The following FBXO17 variants were observed in gnomAD, a reference collection of about 807,000 sequenced individuals.
FBXO17 encodes F-box protein 17, also known as F-box only protein 17.
Under a neutral mutation model 34.1 loss-of-function variants are expected in FBXO17, and 43 were observed. The ratio of observed to expected loss-of-function variants is 1.26; its 90% CI spans 0.99 to 1.62. The LOEUF is 1.62. Among genes scored for constraint, FBXO17 ranks in the 40% most tolerant of loss-of-function variants. The pLI is 0.00. For missense variants in FBXO17, 424 were observed against 386.7 expected (o/e 1.10, Z -0.81); for synonymous variants, 169 against 166.0 (o/e 1.02, Z -0.14).
chr19:38,967,049 A>AT (rs1318045107), intron 1 of FBXO17, among the ~76,000 whole-genome samples: 8 of 152,248 alleles, frequency 5.3e-5, no homozygotes, highest in African/African-American at 1.9e-4. Context: ...AACTGGATAA[A>AT]TTAGACATTA....
intron 2 of FBXO17, among the ~76,000 whole-genome samples, chr19:38,949,411 T>G (rs1240514202): frequency 1.3e-5 from 2 of 151,810 alleles, no homozygotes; most frequent in Non-Finnish European, 2.9e-5. Flanking sequence ...AATTTTTAAA[T>G]TTTTTAGAGA....
At chr19:38,954,839 C>T (rs1378204280) in intron 1 of FBXO17, among the ~76,000 whole-genome samples, 1 of 151,202 alleles carries the variant, frequency 6.6e-6, no homozygotes, top group Non-Finnish European at 1.5e-5. Context: ...CTCAGCCTCC[C>T]AAGGTGTTGG....
At chr19:38,946,167 G>C (rs1974979997) in intron 4 of FBXO17, 2 of 440,468 alleles carry the variant, frequency 4.5e-6, no homozygotes, top group Non-Finnish European at 8.3e-6. Flanking sequence ...CAGAGACCCT[G>C]GGCATCCACA....
At chr19:38,963,409 C>G (rs1361014194) in intron 1 of FBXO17, among the ~76,000 whole-genome samples, 1 of 151,804 alleles carries the variant, frequency 6.6e-6, no homozygotes, top group African/African-American at 2.4e-5. Flanking sequence ...ATCCTCCCAT[C>G]TCAGCCTCCC....
chr19:38,970,126 C>T (rs1975373108), intron 1 of FBXO17, among the ~76,000 whole-genome samples: 1 of 149,430 alleles, frequency 6.7e-6, no homozygotes, highest in African/African-American at 2.5e-5. Flanking sequence ...ATTGCAAATA[C>T]AAATATTATA....
Position 38,948,611 on chromosome 19 carries a change from CG to C in FBXO17, c.416del (p.Pro139ArgfsTer12). 6.2e-7 allele frequency: 1 copy of C among 1,614,108 alleles called. No homozygotes were observed. The highest frequency in any genetic ancestry group is 8.5e-7 in the Non-Finnish European group (1 of 1,180,008). On this transcript the variant is annotated frameshift_variant, in exon 3 of 6. Coordinates refer to ENST00000292852, the MANE Select transcript of FBXO17 (RefSeq NM_024907.7). LOFTEE classifies it high-confidence loss of function. ...NGWAIEKNLTPVPGAPSQTCF... is the reference protein window; with the variant it reads ...NGWAIEKNLTXVPGAPSQTCF... ...AGGTCTGCGAAGGAGCCCCAGGCAC[CG>C]GTGTTAGGTTCTTTTCTATGGCCCA...
At chr19:38,947,484 G>C (rs1289345550) in intron 3 of FBXO17, 2 of 152,136 alleles carry the variant, frequency 1.3e-5, no homozygotes, top group Admixed American at 6.6e-5. Flanking sequence ...TATTCGGGAG[G>C]CTGAGGCAGG....
At chr19:38,952,319 A>G (rs1375037001) in intron 1 of FBXO17, among the ~76,000 whole-genome samples, 1 of 152,190 alleles carries the variant, frequency 6.6e-6, no homozygotes, top group Non-Finnish European at 1.5e-5. Flanking sequence ...CCCACTGCGG[A>G]AGAAACCATT....
At position 38,961,676 on chromosome 19, in the gene FBXO17, T is replaced by C. The variant is rs146875707; in HGVS notation, c.-17-11340A>G. Among the ~76,000 whole-genome samples, 690 of 152,146 alleles carry C rather than the reference T, an allele frequency of 4.5e-3. 4 individuals are homozygous for C. The highest frequency in any genetic ancestry group is 7.9e-3 in the Non-Finnish European group (537 of 68,008). On this transcript the variant is annotated intron_variant, in intron 1 of 5. Coordinates refer to ENST00000292852, the MANE Select transcript of FBXO17 (RefSeq NM_024907.7). ...ACTATTCTGTTTTGTTTTGTTTTGT[T>C]TTTGAGACGTAGTATTGCTCTGTCC...
intron 2 of FBXO17, 41 bp downstream of exon 2, chr19:38,949,930 C>A (rs1568439481): frequency 6.9e-7 from 1 of 1,455,178 alleles, no homozygotes; most frequent in Non-Finnish European, 9.0e-7. Flanking sequence ...CTCGCTCGCG[C>A]GGCCCCCCTC....
chr19:38,946,667 C>A lies in FBXO17; in HGVS notation c.462-100G>T. Reference sequence around the variant, plus strand: ...AAGAAGTCTCCCTTGATAACCCTCTCTAAAGCAGCCCTCAGGGTTTGCTCT... The same window carrying A: ...AAGAAGTCTCCCTTGATAACCCTCTATAAAGCAGCCCTCAGGGTTTGCTCT... On this transcript the variant is annotated intron_variant, in intron 3 of 5. Coordinates refer to ENST00000292852, the MANE Select transcript of FBXO17 (RefSeq NM_024907.7). The A allele has an allele frequency of 2.6e-6, 4 of 1,515,584 alleles. No individual in the cohort carries two copies. The South Asian group carries it at 3.8e-5, about 14-fold the overall frequency. 93.9% of individuals were successfully genotyped at this position (1,515,584 alleles called of 1,614,324 possible).
chr19:38,948,314 T>A (rs1975017027), intron 3 of FBXO17, among the ~76,000 whole-genome samples: 1 of 152,238 alleles, frequency 6.6e-6, no homozygotes, highest in African/African-American at 2.4e-5. Context: ...CTTGCTGTTG[T>A]CTCACAAACT....
At chr19:38,952,787 A>C (rs1329803696) in intron 1 of FBXO17, 1 of 457,904 alleles carries the variant, frequency 2.2e-6, no homozygotes, top group South Asian at 1.5e-5. Context: ...TCAAACCCAG[A>C]CCTTGTTTGA....
At chr19:38,957,922 C>T (rs1033657235) in intron 1 of FBXO17, among the ~76,000 whole-genome samples, 4 of 151,718 alleles carry the variant, frequency 2.6e-5, no homozygotes, top group South Asian at 2.1e-4. Flanking sequence ...GGCAACATGA[C>T]GAAACCCTCT....
chr19:38,966,903 T>A (rs564663284), intron 1 of FBXO17, among the ~76,000 whole-genome samples: 1 of 152,246 alleles, frequency 6.6e-6, no homozygotes, highest in African/African-American at 2.4e-5. Context: ...AGAATCAACA[T>A]GAAATTAATC....
At chr19:38,952,861 C>T (rs188269300) in intron 1 of FBXO17, 5 of 456,754 alleles carry the variant, frequency 1.1e-5, no homozygotes, top group East Asian at 6.9e-5. Flanking sequence ...TTTTTCTTTC[C>T]ACCTCATTCC....
chr19:38,943,184 A>G (rs1344549644), intron 5 of FBXO17, among the ~76,000 whole-genome samples: 1 of 149,074 alleles, frequency 6.7e-6, no homozygotes, highest in Non-Finnish European at 1.5e-5. Context: ...TGGGCAGATC[A>G]TGGCCTTGTG....
In FBXO17 at chr19:38,950,179, G is replaced by T; in HGVS notation, c.141C>A (p.Arg47=). The change falls in exon 2 of 6, where the codon CGC becomes CGA. Residue 47 remains arginine, a synonymous_variant. Coordinates refer to ENST00000292852, the MANE Select transcript of FBXO17 (RefSeq NM_024907.7). ...GCCCGTCCACTATGTCGCGCCAGGC[G>T]CGGCACACTGGGCGGCATCGCGTGA... ...SLVTRCRPVC[R]AWRDIVDGPT... 1 of 1,558,976 alleles carries T rather than the reference G, an allele frequency of 6.4e-7. No homozygotes were observed.
At chr19:38,953,623 T>C (rs908460737) in intron 1 of FBXO17, among the ~76,000 whole-genome samples, 1 of 152,044 alleles carries the variant, frequency 6.6e-6, no homozygotes, top group Non-Finnish European at 1.5e-5. Flanking sequence ...ATCGCACCAC[T>C]GCACTCCAGC....
Sources: allele counts gnomAD v4.1 joint callset (sites outside exome capture counted in the v4.1 genomes callset), GRCh38; gene constraint gnomAD v4.1.1; transcripts MANE v1.5; gene names NCBI Gene and HGNC (gene_info 2026-07-23, HGNC 2026-07-21).